Variants in ZNF451 observed in about 807,000 individuals in gnomAD.
The protein encoded by ZNF451 is E3 SUMO-protein ligase ZNF451.
ZNF451 carries 80 observed loss-of-function variants against 107.1 expected under a neutral mutation model. That is an observed-to-expected ratio of 0.75 (90% confidence interval 0.62 to 0.90). The LOEUF (loss-of-function observed/expected upper bound fraction) is 0.90, where lower values mean the gene tolerates loss of function less well. ZNF451 is among the 40% of genes least tolerant of loss of function. ZNF451 has a pLI of 0.00. For missense variants in ZNF451, 1,107 were observed against 1,236.2 expected, an observed-to-expected ratio of 0.90 and a Z score of 1.57; for synonymous variants, 362 against 406.5, an observed-to-expected ratio of 0.89 and a Z score of 1.32.
chr6:57,156,324 C>A (rs555622786), intron 13 of ZNF451, among the ~76,000 whole-genome samples: 2 of 152,204 alleles, frequency 1.3e-5, no homozygotes, highest in Admixed American at 6.5e-5. Flanking sequence ...TCTTGGATAA[C>A]TTTTATTCCA....
chr6:57,110,218 T>C (rs1230798717), intron 3 of ZNF451, among the ~76,000 whole-genome samples: 1 of 152,134 alleles, frequency 6.6e-6, no homozygotes, highest in South Asian at 2.1e-4. Context: ...TTCAGAATTA[T>C]AAGAAATAGT....
intron 5 of ZNF451, 68 bp from the exon 6 acceptor site, chr6:57,132,974 T>G: frequency 6.5e-7 from 1 of 1,546,756 alleles, no homozygotes; most frequent in African/African-American, 1.4e-5. Flanking sequence ...TTGTCCTAAT[T>G]TTGATCACTA....
intron 2 of ZNF451, among the ~76,000 whole-genome samples, chr6:57,095,326 CTTTTTTTTT>C (rs764972958): frequency 1.9e-5 from 2 of 107,806 alleles, no homozygotes; most frequent in Admixed American, 9.5e-5. Context: ...TTCTGTGATA[CTTTTTTTTT>C]TTTTTTTTTT....
At chr6:57,151,179 G>C in intron 11 of ZNF451, 1 of 181,802 alleles carries the variant, frequency 5.5e-6, no homozygotes, top group Middle Eastern at 2.4e-3. Flanking sequence ...GGCTAACATG[G>C]TGAAACCCCG....
intron 13 of ZNF451, among the ~76,000 whole-genome samples, chr6:57,156,041 A>G (rs1763406614): frequency 6.6e-6 from 1 of 151,840 alleles, no homozygotes; most frequent in African/African-American, 2.4e-5. Flanking sequence ...ATTTTTTTGT[A>G]TTTATATGGT....
rs1414861194 is a variant in ZNF451 at position 57,100,588 on chromosome 6, A to G, written c.186+1447A>G. The G allele has an allele frequency of 4.1e-6, 6 of 1,469,142 alleles. No individual in the cohort carries two copies. The Admixed American group carries it at 1.4e-4, about 34-fold the overall frequency. 91.0% of individuals were successfully genotyped at this position (1,469,142 alleles called of 1,614,324 possible). On this transcript the variant is annotated intron_variant, in intron 3 of 14. Transcript: ENST00000370706. ...TTTTTCTTCCTTGGTTTTCTTGTTC[A>G]TGTGGATAACCCAGAGAATGCCTGA...
rs1452536034 is a variant in ZNF451, at chr6:57,148,443, G to C, written c.2358G>C (p.Gln786His). The C allele has an allele frequency of 1.9e-6, 3 of 1,613,854 alleles. No homozygotes were observed. In the South Asian group the frequency reaches 3.3e-5, roughly 18 times the overall value. The change falls in exon 10 of 15, where the codon CAG becomes CAC. Residue 786 changes from glutamine to histidine, a missense_variant. By Grantham distance (24) the Gln-to-His change is conservative (BLOSUM62 0). Coordinates refer to ENST00000370706, the MANE Select transcript of ZNF451 (RefSeq NM_001031623.3). ...HKEKSDEEEQ[Q>H]YVIKCGTCTK... is the part of the protein sequence containing the mutation. ...AAAAGAGTGATGAGGAGGAGCAGCA[G>C]TATGTAATCAAGTGTGGCACCTGCA...
intron 5 of ZNF451, among the ~76,000 whole-genome samples, chr6:57,131,290 T>C (rs929435580): frequency 1.3e-5 from 2 of 152,196 alleles, no homozygotes; most frequent in African/African-American, 4.8e-5. Flanking sequence ...TTAAAAATGC[T>C]GTCTGTATTA....
At chr6:57,127,497 A>G (rs2127962049) in intron 4 of ZNF451, among the ~76,000 whole-genome samples, 1 of 152,244 alleles carries the variant, frequency 6.6e-6, no homozygotes, top group East Asian at 1.9e-4. Context: ...ACCCTGTTAC[A>G]TTGATAACTA....
At chr6:57,141,254 G>C in intron 7 of ZNF451, 48 bp from the exon 8 acceptor site, 1 of 1,432,320 alleles carries the variant, frequency 7.0e-7, no homozygotes, top group Non-Finnish European at 9.3e-7. Flanking sequence ...TCAAGAACTT[G>C]AGTGTTTATT....
chr6:57,152,525 C>T (rs1014324916), intron 12 of ZNF451, among the ~76,000 whole-genome samples, 174 bp downstream of exon 12: 9 of 152,202 alleles, frequency 5.9e-5, no homozygotes, highest in African/African-American at 1.9e-4. Context: ...TCCTCAACTT[C>T]TAGCAAACCT....
At chr6:57,159,062 C>T in intron 13 of ZNF451, 1 of 985,392 alleles carries the variant, frequency 1.0e-6, no homozygotes, top group Non-Finnish European at 1.2e-6. Flanking sequence ...GTTTCCTCAG[C>T]CTGTTAATGA....
At chr6:57,132,835 G>T (rs1831246932) in intron 5 of ZNF451, among the ~76,000 whole-genome samples, 1 of 151,932 alleles carries the variant, frequency 6.6e-6, no homozygotes, top group Admixed American at 6.5e-5. Flanking sequence ...AATGCTACTT[G>T]GTGATATTAA....
At chr6:57,144,466 C>T (rs1216269118) in intron 9 of ZNF451, among the ~76,000 whole-genome samples, 1 of 151,794 alleles carries the variant, frequency 6.6e-6, no homozygotes, top group Non-Finnish European at 1.5e-5. Flanking sequence ...GTCTTGAACT[C>T]CTGACCTCAA....
chr6:57,106,035 CTAA>C, intron 3 of ZNF451: 1 of 983,048 alleles, frequency 1.0e-6, no homozygotes. Context: ...TAGTACTACA[CTAA>C]TAATTTACTG....
rs1831264194 is a variant in ZNF451 at position 57,133,168 on chromosome 6, A to G, written c.551A>G (p.His184Arg). The G allele has an allele frequency of 1.2e-6, 2 of 1,614,090 alleles. No individual in the cohort carries two copies. The highest frequency in any genetic ancestry group is 4.5e-5 in the East Asian group (2 of 44,866). Residue 184 changes from histidine to arginine, a missense_variant, in exon 6 of 15, where the codon CAC (histidine) becomes CGC (arginine). This residue lies in a region of ZNF451 where 339 missense variants were observed against 372.8 expected (regional missense o/e 0.91). Transcript: ENST00000370706. ...MHCNKEFDNGHLLLGHLKRFD... is the reference protein window; with the variant it reads ...MHCNKEFDNGRLLLGHLKRFD... ...TGTAACAAGGAGTTTGACAATGGGC[A>G]CCTTCTCTTAGGACATTTGAAAAGG...
intron 3 of ZNF451, 27 bp from the exon 4 acceptor site, chr6:57,124,707 G>T: frequency 1.3e-6 from 2 of 1,495,188 alleles, no homozygotes; most frequent in South Asian, 2.3e-5. Context: ...TTTGTTAAAA[G>T]GAATGAAAAT....
intron 3 of ZNF451, among the ~76,000 whole-genome samples, chr6:57,109,893 C>G (rs1433927958): frequency 3.3e-5 from 5 of 152,116 alleles, no homozygotes. Context: ...TTTTCAGTAC[C>G]TGCTATGTGC....
intron 3 of ZNF451, chr6:57,104,581 C>G (rs568466012): frequency 1.0e-6 from 1 of 985,188 alleles, no homozygotes; most frequent in East Asian, 1.1e-4. Context: ...CTTCCCCTTC[C>G]CTTTGCCTTT....
Sources: allele counts gnomAD v4.1 joint callset (sites outside exome capture counted in the v4.1 genomes callset), GRCh38; gene constraint gnomAD v4.1.1; regional missense constraint gnomAD v4.1.1; transcripts MANE v1.5; gene names NCBI Gene and HGNC (gene_info 2026-07-23, HGNC 2026-07-21).